CRYZ: variants seen among roughly 807,000 people sequenced by gnomAD.
The protein encoded by CRYZ is zeta-crystallin.
CRYZ carries 35 observed loss-of-function variants against 34.1 expected under a neutral mutation model. The observed-to-expected ratio is 1.03, with a 90% CI of 0.78 to 1.36. The LOEUF is 1.36. Among genes scored for constraint, CRYZ ranks in the 40% most tolerant of loss-of-function variants. The pLI is 0.00. For missense variants in CRYZ, 403 were observed against 391.8 expected (o/e 1.03, Z -0.24); for synonymous variants, 137 against 136.5 (o/e 1.00, Z -0.03).
chr1:74,723,204 T>C lies in CRYZ; in HGVS notation c.178A>G (p.Ser60Gly), dbSNP rs1039899423. 1.2e-6 allele frequency: 2 copies of C among 1,613,936 alleles called. No individual in the cohort carries two copies. Among genetic ancestry groups the C allele is most frequent in the African/African-American group, 1.3e-5 (1 of 74,926 alleles). Residue 60 changes from serine (S) to glycine (G), a missense_variant, in exon 3 of 9, where the codon AGT becomes GGT. Transcript: ENST00000340866. The part of the protein sequence containing the change: ...VETYIRSGTY[S>G]RKPLLPYTPG... ...GTATAGGGTAAGAGTGGTTTTCTAC[T>C]ATAAGTACCAGAGCGAATGTATGTC...
chr1:74,714,289 G>C (rs1465207061), intron 5 of CRYZ, among the ~76,000 whole-genome samples: 1 of 151,958 alleles, frequency 6.6e-6, no homozygotes, highest in Non-Finnish European at 1.5e-5. Flanking sequence ...TATAACATAT[G>C]CTACTTGAAG....
At chr1:74,725,521 G>T (rs1356202802) in intron 1 of CRYZ, among the ~76,000 whole-genome samples, 2 of 150,066 alleles carry the variant, frequency 1.3e-5, no homozygotes, top group Non-Finnish European at 3.0e-5. Flanking sequence ...CCTCCCACCA[G>T]GTCCCTCCCA....
chr1:74,716,704 CAG>C (rs1368040463), intron 4 of CRYZ, among the ~76,000 whole-genome samples: 1 of 152,122 alleles, frequency 6.6e-6, no homozygotes, highest in Non-Finnish European at 1.5e-5. Context: ...TTCAACTATG[CAG>C]AGATTACTGA....
intron 1 of CRYZ, among the ~76,000 whole-genome samples, chr1:74,727,102 C>T (rs1365535077): frequency 6.6e-6 from 1 of 151,692 alleles, no homozygotes; most frequent in East Asian, 1.9e-4. Context: ...ATCTTCCTGT[C>T]TTCTGAGCCC....
At chr1:74,729,757 G>T (rs1423986269) in intron 1 of CRYZ, among the ~76,000 whole-genome samples, 1 of 151,974 alleles carries the variant, frequency 6.6e-6, no homozygotes, top group Non-Finnish European at 1.5e-5. Context: ...CAGAACTCTG[G>T]TTATCAAAAC....
At chr1:74,728,745 G>A (rs1005374814) in intron 1 of CRYZ, among the ~76,000 whole-genome samples, 5 of 152,184 alleles carry the variant, frequency 3.3e-5, no homozygotes, top group African/African-American at 1.2e-4. Flanking sequence ...TCAAAAGTTT[G>A]TGCCATTTTA....
intron 2 of CRYZ, among the ~76,000 whole-genome samples, chr1:74,724,323 C>T (rs996921641): frequency 6.6e-6 from 1 of 152,090 alleles, no homozygotes; most frequent in Non-Finnish European, 1.5e-5. Context: ...TACTTAAATT[C>T]TCATGAATCA....
chr1:74,722,608 A>ATGTG (rs773710613), intron 3 of CRYZ, among the ~76,000 whole-genome samples: 1 of 150,528 alleles, frequency 6.6e-6, no homozygotes, highest in African/African-American at 2.4e-5. Context: ...ATATATATAT[A>ATGTG]TGTGTGTGTG....
chr1:74,731,157 C>T (rs1243197506), intron 1 of CRYZ, among the ~76,000 whole-genome samples: 3 of 152,114 alleles, frequency 2.0e-5, no homozygotes, highest in African/African-American at 7.2e-5. Context: ...TGAAAGGTTG[C>T]CAATATGCCT....
chr1:74,721,824 C>T (rs970201860), intron 3 of CRYZ, among the ~76,000 whole-genome samples: 4 of 152,154 alleles, frequency 2.6e-5, no homozygotes, highest in African/African-American at 7.2e-5. Context: ...TCTAGTGTCT[C>T]CAACAGAACT....
chr1:74,714,053 G>C (rs1013504397), intron 5 of CRYZ, among the ~76,000 whole-genome samples: 1 of 151,990 alleles, frequency 6.6e-6, no homozygotes, highest in African/African-American at 2.4e-5. Context: ...GCCATGGGTT[G>C]TGGTGTTAAG....
At chr1:74,707,392 G>T in intron 6 of CRYZ, 188 bp from the exon 7 acceptor site, 1 of 458,880 alleles carries the variant, frequency 2.2e-6, no homozygotes. Flanking sequence ...GTACCAGCCA[G>T]AACATCTAAA....
chr1:74,711,725 T>C (rs184831411), intron 5 of CRYZ, among the ~76,000 whole-genome samples: 4 of 151,912 alleles, frequency 2.6e-5, no homozygotes, highest in Admixed American at 6.6e-5. Context: ...TGCACTCCAG[T>C]CTGGGCAACG....
intron 1 of CRYZ, among the ~76,000 whole-genome samples, chr1:74,725,101 G>A (rs931882039): frequency 6.6e-6 from 1 of 152,112 alleles, no homozygotes; most frequent in African/African-American, 2.4e-5. Context: ...GATAGACATA[G>A]CATGATACCA....
At chr1:74,732,597 CGGGGGGG>C (rs56898084) in intron 1 of CRYZ, among the ~76,000 whole-genome samples, 9,893 of 52,686 alleles carry the variant, frequency 0.19, 1,801 homozygotes, top group African/African-American at 0.31. Flanking sequence ...GGGTGACTGG[CGGGGGGG>C]GGGGGGGGGG....
intron 6 of CRYZ, 112 bp from the exon 7 acceptor site, chr1:74,707,316 C>A (rs1646944287): frequency 3.1e-6 from 2 of 636,716 alleles, no homozygotes; most frequent in Non-Finnish European, 5.4e-6. Context: ...ATAAATGCTA[C>A]ATCTTTGAGA....
At chr1:74,710,281 T>A in intron 5 of CRYZ, 34 bp from the exon 6 acceptor site, 1 of 1,603,818 alleles carries the variant, frequency 6.2e-7, no homozygotes, top group Non-Finnish European at 8.5e-7. Context: ...AGTTATATAT[T>A]CTCTACACTC....
At chr1:74,707,273 C>A in intron 6 of CRYZ, 69 bp from the exon 7 acceptor site, 2 of 826,310 alleles carry the variant, frequency 2.4e-6, no homozygotes, top group South Asian at 3.1e-5. Flanking sequence ...ACTATCTGTA[C>A]AAGATATTAT....
At position 74,710,203 on chromosome 1, in the gene CRYZ, C is replaced by G. The variant is rs1335703784; in HGVS notation, c.525G>C (p.Lys175Asn). The change falls in exon 6 of 9, where the codon AAG becomes AAC. Residue 175 changes from lysine (K) to asparagine (N), a missense_variant. Coordinates refer to ENST00000340866, the MANE Select transcript of CRYZ (RefSeq NM_001889.4). Reference sequence around the variant, plus strand: ...CCTCAGTACCAGCAGTGCCCAAAATCTTTAAGCCATAAGCTCTAGCAATTT... The same window carrying G: ...CCTCAGTACCAGCAGTGCCCAAAATGTTTAAGCCATAAGCTCTAGCAATTT... The part of the protein sequence containing the change: ...ACQIARAYGL[K>N]ILGTAGTEEG... The G allele has an allele frequency of 6.2e-7, 1 of 1,613,844 alleles. No homozygotes were observed. Among genetic ancestry groups the G allele is most frequent in the Admixed American group, 1.7e-5 (1 of 59,998 alleles).
Sources: allele counts gnomAD v4.1 joint callset (sites outside exome capture counted in the v4.1 genomes callset), GRCh38; gene constraint gnomAD v4.1.1; transcripts MANE v1.5; gene names NCBI Gene and HGNC (gene_info 2026-07-23, HGNC 2026-07-21).